The following TNS3 variants were observed in gnomAD, a reference collection of about 807,000 sequenced individuals.
The protein encoded by TNS3 is tensin 3.
A neutral mutation model predicts 140.9 loss-of-function variants in TNS3; 45 were observed. That is an observed-to-expected ratio of 0.32 (90% CI 0.25 to 0.41). The LOEUF is 0.41. TNS3 is among the 10% of genes least tolerant of loss of function. The pLI is 1.00. For synonymous variants in TNS3, 815 were observed against 788.4 expected, an observed-to-expected ratio of 1.03 and a Z score of -0.56; for missense variants, 1,716 against 1,906.7, an observed-to-expected ratio of 0.90 and a Z score of 1.86.
In TNS3 at chr7:47,281,567, C is replaced by T. The variant is rs1485592425; in HGVS notation, c.4098-1213G>A. Among the ~76,000 whole-genome samples the T allele has an allele frequency of 3.3e-5, 5 of 152,356 alleles. No individual in the cohort carries two copies. In the South Asian group the frequency reaches 8.3e-4, roughly 25 times the overall value. On this transcript the variant is annotated intron_variant, in intron 28 of 30. Coordinates refer to ENST00000311160, the MANE Select transcript of TNS3 (RefSeq NM_022748.12). ...GCAGCCACCTGCAGCCCCTCTCAAA[C>T]AGGTGCCTTTTAAGGCTGATTGTTG...
chr7:47,344,760 C>G lies in TNS3; in HGVS notation c.2645G>C (p.Gly882Ala), dbSNP rs747872185. ...CCCGCGGGTAGATTTCTTACCACGTCCTCCTTTGTGCTGACTGGCTGGGCT... is the reference window on the plus strand; with the variant it reads ...CCCGCGGGTAGATTTCTTACCACGTGCTCCTTTGTGCTGACTGGCTGGGCT... ...LSSPASQHKG[G>A]REPRSCPETL... The change falls in exon 20 of 31, where the codon GGA (glycine) becomes GCA (alanine). Residue 882 changes from glycine to alanine, a missense_variant. Physicochemically the swap from Gly to Ala is moderately conservative, Grantham distance 60. Coordinates refer to ENST00000311160, the MANE Select transcript of TNS3 (RefSeq NM_022748.12). 1.1e-5 allele frequency: 18 copies of G among 1,611,368 alleles called. No individual in the cohort carries two copies. In the Admixed American group the frequency reaches 2.8e-4, roughly 25 times the overall value.
At chr7:47,361,066 A>G (rs556586418) in intron 17 of TNS3, among the ~76,000 whole-genome samples, 2 of 151,846 alleles carry the variant, frequency 1.3e-5, no homozygotes, top group East Asian at 3.9e-4. Flanking sequence ...CTTCCTCTGC[A>G]GAGTTGGAGG....
At chr7:47,470,694 C>G in intron 4 of TNS3, 6 of 976,928 alleles carry the variant, frequency 6.1e-6, no homozygotes, top group Non-Finnish European at 7.3e-6. Flanking sequence ...GTCTGTGAGC[C>G]ACACACCTGC....
chr7:47,307,791 A>G lies in TNS3; in HGVS notation c.2651-2788T>C, dbSNP rs1786844859. ...TCAAATCCTTTTCCTTTTTTTCACT[A>G]GGTTGTTTGCTTTCTTAACACTCAG... On this transcript the variant is annotated intron_variant, in intron 20 of 30. Transcript: ENST00000311160. 1.3e-5 allele frequency among the ~76,000 whole-genome samples: 2 copies of G among 151,788 alleles called. 1 individual carries two copies. Among genetic ancestry groups the G allele is most frequent in the Admixed American group, 1.3e-4 (2 of 15,236 alleles).
intron 20 of TNS3, among the ~76,000 whole-genome samples, chr7:47,332,735 C>T (rs965327837): frequency 1.3e-5 from 2 of 152,240 alleles, no homozygotes; most frequent in Non-Finnish European, 2.9e-5. Context: ...CAACACCATG[C>T]ATGGCACACA....
chr7:47,310,492 A>G (rs1787026466), intron 20 of TNS3, among the ~76,000 whole-genome samples: 1 of 152,102 alleles, frequency 6.6e-6, no homozygotes, highest in Non-Finnish European at 1.5e-5. Context: ...TGCCTCCCCC[A>G]CCCAGAGCCT....
chr7:47,506,944 G>A lies in TNS3; in HGVS notation c.-152C>T. 1 of 1,285,424 alleles carries A rather than the reference G, an allele frequency of 7.8e-7. No homozygotes were observed. The highest frequency in any genetic ancestry group is 1.0e-6 in the Non-Finnish European group (1 of 987,536). The allele number at this position is 1,285,424 out of a possible 1,614,324, so 79.6% of individuals were successfully genotyped here. ...TTTCTTGTGGCAGGAATACTTGCAG[G>A]CTGGGAAAAAAAAAAAGAGAAAGAA... On this transcript the variant is annotated splice_region_variant and 5_prime_UTR_variant, in exon 3 of 31. Coordinates refer to ENST00000311160, the MANE Select transcript of TNS3 (RefSeq NM_022748.12).
intron 1 of TNS3, among the ~76,000 whole-genome samples, chr7:47,578,339 C>T (rs951968116): frequency 2.6e-5 from 4 of 152,068 alleles, no homozygotes; most frequent in Non-Finnish European, 5.9e-5. Context: ...TAAAAAGAAG[C>T]ATGTGAGAAT....
chr7:47,376,574 G>A (rs138318193), intron 16 of TNS3, among the ~76,000 whole-genome samples: 1 of 152,302 alleles, frequency 6.6e-6, no homozygotes, highest in African/African-American at 2.4e-5. Flanking sequence ...CAGAGGCTGA[G>A]AGAGCCTGCA....
In TNS3 at chr7:47,465,041, T is replaced by G. The variant is rs1021986115; in HGVS notation, c.-76+16062A>C. Among the ~76,000 whole-genome samples the G allele has an allele frequency of 2.0e-5, 3 of 152,076 alleles. 1 individual carries two copies. Among genetic ancestry groups the G allele is most frequent in the Non-Finnish European group, 4.4e-5 (3 of 68,028 alleles). On this transcript the variant is annotated intron_variant, in intron 4 of 30. Transcript: ENST00000311160. ...TATCAAGGCTGATCTCCCTGGTGAG[T>G]GAGTTGTATGATTTTCCCAGGGGAA...
At chr7:47,559,470 T>C (rs1335012781) in intron 1 of TNS3, among the ~76,000 whole-genome samples, 2 of 152,210 alleles carry the variant, frequency 1.3e-5, no homozygotes, top group African/African-American at 4.8e-5. Flanking sequence ...ATCTTAGGAA[T>C]GTGCCCTTGG....
At chr7:47,349,434 A>G (rs1323575284) in intron 17 of TNS3, among the ~76,000 whole-genome samples, 1 of 152,206 alleles carries the variant, frequency 6.6e-6, no homozygotes, top group Non-Finnish European at 1.5e-5. Context: ...GGTTTCCACA[A>G]TGGAGGGAAC....
chr7:47,474,145 CA>C (rs759545966), intron 4 of TNS3, among the ~76,000 whole-genome samples: 520 of 137,392 alleles, frequency 3.8e-3, no homozygotes, highest in African/African-American at 0.013. Flanking sequence ...CACACACACA[CA>C]ACACACATAA....
chr7:47,411,798 C>T lies in TNS3; in HGVS notation c.652G>A (p.Val218Ile), dbSNP rs779298838. ...ATCCTGCTGGGGTTTTCTGGGCCAACGTTGCTTTGGGATGAAGAAGAAGGT... is the reference window on the plus strand; with the variant it reads ...ATCCTGCTGGGGTTTTCTGGGCCAATGTTGCTTTGGGATGAAGAAGAAGGT... ...QPVYTSGIYN[V>I]GPENPSRICI... Residue 218 changes from valine (V) to isoleucine (I), a missense_variant, in exon 13 of 31, where the codon GTT (valine) becomes ATT (isoleucine). Val to Ile is a conservative substitution (Grantham distance 29, BLOSUM62 3). Around this residue, in one of 3 missense-constraint regions of TNS3, gnomAD observed 337 missense variants for 428.9 expected, o/e 0.79. Coordinates refer to ENST00000311160, the MANE Select transcript of TNS3 (RefSeq NM_022748.12). The T allele has an allele frequency of 3.1e-6, 5 of 1,613,172 alleles. No individual in the cohort carries two copies. Among genetic ancestry groups the T allele is most frequent in the African/African-American group, 2.7e-5 (2 of 74,876 alleles).
At chr7:47,289,707 A>G (rs1431060146) in intron 27 of TNS3, among the ~76,000 whole-genome samples, 9 of 152,388 alleles carry the variant, frequency 5.9e-5, no homozygotes, top group African/African-American at 1.9e-4. Flanking sequence ...CAAGATCTAT[A>G]TGAGGAACAC....
chr7:47,325,330 TA>T (rs1787969042), intron 20 of TNS3, among the ~76,000 whole-genome samples: 4 of 152,302 alleles, frequency 2.6e-5, no homozygotes, highest in Middle Eastern at 6.8e-3. Context: ...TCCACGTTTG[TA>T]AAACCCTGTT....
chr7:47,435,314 T>G lies in TNS3; in HGVS notation c.292A>C (p.Asn98His). 6.2e-7 allele frequency: 1 copy of G among 1,614,182 alleles called. No homozygotes were observed. Among genetic ancestry groups the G allele is most frequent in the Non-Finnish European group, 8.5e-7 (1 of 1,180,034 alleles). Residue 98 changes from asparagine to histidine, a missense_variant, in exon 8 of 31, where the codon AAC becomes CAC. By Grantham distance (68) the Asn-to-His change is moderately conservative. Coordinates refer to ENST00000311160, the MANE Select transcript of TNS3 (RefSeq NM_022748.12). ...CKAQESWLNS[N>H]LQHVVVIHCR... The stretch of plus-strand genomic sequence containing the variant: ...TGAATGACGACCACATGCTGGAGGT[T>G]GCTGTTCAGCCAGGACTCCTGCGCC...
Position 47,556,073 on chromosome 7 carries a change from G to A in TNS3, c.-265+25978C>T, listed in dbSNP as rs551094383. Among the ~76,000 whole-genome samples, 71 of 152,152 alleles carry A rather than the reference G, an allele frequency of 4.7e-4. 1 individual carries two copies. Among genetic ancestry groups the A allele is most frequent in the Non-Finnish European group, 7.9e-4 (54 of 68,030 alleles). On this transcript the variant is annotated intron_variant, in intron 1 of 30. Coordinates refer to ENST00000311160, the MANE Select transcript of TNS3 (RefSeq NM_022748.12). ...CTTGTGTACATATACATTTAGGAAC[G>A]TGCACTTACATACACACATACGCAT...
At chr7:47,315,340 C>A (rs1787334828) in intron 20 of TNS3, among the ~76,000 whole-genome samples, 1 of 152,242 alleles carries the variant, frequency 6.6e-6, no homozygotes, top group Non-Finnish European at 1.5e-5. Context: ...GCCGGGAAGG[C>A]TGCTGCTGCG....
Sources: allele counts gnomAD v4.1 joint callset (sites outside exome capture counted in the v4.1 genomes callset), GRCh38; gene constraint gnomAD v4.1.1; regional missense constraint gnomAD v4.1.1; transcripts MANE v1.5; gene names NCBI Gene and HGNC (gene_info 2026-07-23, HGNC 2026-07-21).